Variants in BCL9 observed in about 807,000 individuals in gnomAD.
The protein encoded by BCL9 is B-cell CLL/lymphoma 9 protein.
Under a neutral mutation model 88.5 loss-of-function variants are expected in BCL9, and 25 were observed. The ratio of observed to expected loss-of-function variants is 0.28; its 90% CI spans 0.21 to 0.39. The LOEUF is 0.39. Among genes scored for constraint, BCL9 ranks in the 10% least tolerant of loss-of-function variants. The pLI is 1.00. For synonymous variants in BCL9, 711 were observed against 673.3 expected, an observed-to-expected ratio of 1.06 and a Z score of -0.87; for missense variants, 1,817 against 1,877.8, an observed-to-expected ratio of 0.97 and a Z score of 0.60.
chr1:147,560,626 G>T (rs1655333415), intron 1 of BCL9, among the ~76,000 whole-genome samples: 1 of 151,346 alleles, frequency 6.6e-6, no homozygotes, highest in Non-Finnish European at 1.5e-5. Context: ...AAAGAATAAG[G>T]CCAGGAGCAG....
chr1:147,609,141 A>G (rs587606058), intron 3 of BCL9, among the ~76,000 whole-genome samples: 1 of 152,310 alleles, frequency 6.6e-6, no homozygotes, highest in Admixed American at 6.5e-5. Context: ...AGATGTAGTT[A>G]TGTTGGGGGA....
chr1:147,562,037 A>G (rs1042651721), intron 1 of BCL9, among the ~76,000 whole-genome samples: 7 of 152,190 alleles, frequency 4.6e-5, no homozygotes, highest in Non-Finnish European at 1.0e-4. Context: ...AGTTCAAGAT[A>G]CCTGGTAGAG....
At chr1:147,595,230 G>T (rs1357674276) in intron 1 of BCL9, among the ~76,000 whole-genome samples, 2 of 152,322 alleles carry the variant, frequency 1.3e-5, no homozygotes, top group East Asian at 3.9e-4. Flanking sequence ...TGGAAACAAG[G>T]AAGTGAAGGT....
In BCL9 at chr1:147,614,560, T is replaced by TG; in HGVS notation, c.505dup (p.Ala169GlyfsTer15). The TG allele has an allele frequency of 6.2e-7, 1 of 1,613,926 alleles. No homozygotes were observed. The highest frequency in any genetic ancestry group is 8.5e-7 in the Non-Finnish European group (1 of 1,179,944). The stretch of plus-strand genomic sequence containing the variant: ...AAACTACTGCCACAGAGCCCACACC[T>TG]GCTCAGAAGACTCCAGCCAAAGTGG... On this transcript the variant is annotated frameshift_variant, in exon 6 of 10. Transcript: ENST00000234739. LOFTEE classifies it high-confidence loss of function.
chr1:147,570,589 C>CT (rs1368713487), intron 1 of BCL9, among the ~76,000 whole-genome samples: 42 of 152,068 alleles, frequency 2.8e-4, no homozygotes, highest in African/African-American at 9.9e-4. Context: ...CCTTTGCCCC[C>CT]CATTCCCACT....
At chr1:147,568,295 A>G (rs2132440) in intron 1 of BCL9, among the ~76,000 whole-genome samples, 4 of 151,934 alleles carry the variant, frequency 2.6e-5, no homozygotes, top group Non-Finnish European at 5.9e-5. Context: ...TAACAGCAAA[A>G]TCTTCCTAAT....
intron 3 of BCL9, among the ~76,000 whole-genome samples, chr1:147,608,301 A>G (rs1412358571): frequency 1.3e-5 from 2 of 150,614 alleles, no homozygotes; most frequent in Non-Finnish European, 2.9e-5. Context: ...CTAAGGGGTA[A>G]TAGAATGCTA....
In BCL9 at chr1:147,619,956, G is replaced by C. The variant is rs782029640; in HGVS notation, c.1801G>C (p.Asp601His). 1 of 1,614,208 alleles carries C rather than the reference G, an allele frequency of 6.2e-7. No individual in the cohort carries two copies. The highest frequency in any genetic ancestry group is 2.2e-5 in the East Asian group (1 of 44,866). ...SWPDDVPKIP[D>H]GRNFPPGQGI... ...GCCAGATGATGTGCCAAAAATCCCA[G>C]ATGGTCGAAATTTTCCTCCTGGCCA... Residue 601 changes from aspartate to histidine, a missense_variant, in exon 8 of 10, where the codon GAT becomes CAT. By Grantham distance (81) the Asp-to-His change is moderately conservative. Coordinates refer to ENST00000234739, the MANE Select transcript of BCL9 (RefSeq NM_004326.4). This position sits in a 1 kb window ranked among gnomAD's most constrained non-coding sequence, Gnocchi z 4.1.
At position 147,620,117 on chromosome 1, in the gene BCL9, C is replaced by T. The variant is rs782518812; in HGVS notation, c.1962C>T (p.Pro654=). ...PPGMAMEGIR[P]SMEMNRMIPG... is the part of the protein sequence containing the mutation. Reference sequence around the variant, plus strand: ...GGATGGCCATGGAAGGCATCAGGCCCAGCATGGAGATGAACAGGATGATTC... The same window carrying T: ...GGATGGCCATGGAAGGCATCAGGCCTAGCATGGAGATGAACAGGATGATTC... The change falls in exon 8 of 10, where the codon CCC becomes CCT. Residue 654 remains proline, a synonymous_variant. Coordinates refer to ENST00000234739, the MANE Select transcript of BCL9 (RefSeq NM_004326.4). 1.2e-6 allele frequency: 2 copies of T among 1,614,162 alleles called. No homozygotes were observed. The highest frequency in any genetic ancestry group is 1.7e-6 in the Non-Finnish European group (2 of 1,180,044).
intron 1 of BCL9, among the ~76,000 whole-genome samples, chr1:147,568,341 C>T (rs1468014279): frequency 1.3e-5 from 2 of 152,104 alleles, no homozygotes; most frequent in Admixed American, 1.3e-4. Flanking sequence ...TAGAATGCTC[C>T]ACTTCATTAT....
chr1:147,587,659 G>GT (rs1656675048), intron 1 of BCL9, among the ~76,000 whole-genome samples: 1 of 152,112 alleles, frequency 6.6e-6, no homozygotes, highest in South Asian at 2.1e-4. Flanking sequence ...ACTCAGAGAA[G>GT]TTCTTCTCCT....
At chr1:147,548,629 T>A (rs587642875) in intron 1 of BCL9, among the ~76,000 whole-genome samples, 72 of 152,236 alleles carry the variant, frequency 4.7e-4, no homozygotes, top group South Asian at 1.0e-3. Context: ...GTACCCCTAA[T>A]CCTTAGCATA....
intron 1 of BCL9, among the ~76,000 whole-genome samples, chr1:147,546,391 T>C (rs986044636): frequency 2.0e-5 from 3 of 152,098 alleles, no homozygotes; most frequent in East Asian, 3.9e-4. Flanking sequence ...CCCCCCTTTT[T>C]TTAAAACACT....
intron 1 of BCL9, among the ~76,000 whole-genome samples, chr1:147,581,675 C>T (rs1296830156): frequency 1.3e-5 from 2 of 152,188 alleles, no homozygotes; most frequent in East Asian, 3.8e-4. Flanking sequence ...TTTCTGGATA[C>T]ATTCAGTGTA....
At chr1:147,600,811 A>G (rs1485675494) in intron 1 of BCL9, among the ~76,000 whole-genome samples, 1 of 151,728 alleles carries the variant, frequency 6.6e-6, no homozygotes, top group African/African-American at 2.4e-5. Flanking sequence ...GGAAGCTAGG[A>G]AGAATGTGTG....
intron 1 of BCL9, among the ~76,000 whole-genome samples, chr1:147,561,499 T>C (rs1407620800): frequency 2.0e-5 from 3 of 152,230 alleles, no homozygotes; most frequent in African/African-American, 7.2e-5. Flanking sequence ...TCATTCCCTC[T>C]TATGATTATT....
In BCL9 at chr1:147,614,546, A is replaced by C. The variant is rs782304461; in HGVS notation, c.490A>C (p.Thr164Pro). The change falls in exon 6 of 10, where the codon ACA becomes CCA. Residue 164 changes from threonine to proline, a missense_variant. Coordinates refer to ENST00000234739, the MANE Select transcript of BCL9 (RefSeq NM_004326.4). Reference protein sequence around the residue: ...STPSHGQTTATEPTPAQKTPA... With the variant: ...STPSHGQTTAPEPTPAQKTPA... ...CCCCTCCCATGGCCAAACTACTGCC[A>C]CAGAGCCCACACCTGCTCAGAAGAC... The C allele has an allele frequency of 8.1e-6, 13 of 1,614,008 alleles. No homozygotes were observed. In the East Asian group the frequency reaches 2.9e-4, roughly 36 times the overall value.
At chr1:147,594,473 G>A (rs1249950412) in intron 1 of BCL9, among the ~76,000 whole-genome samples, 5 of 152,218 alleles carry the variant, frequency 3.3e-5, no homozygotes, top group East Asian at 1.9e-4. Context: ...AGATGAGCAA[G>A]CTGAGTAGAT....
chr1:147,614,687 G>C (rs1297960839), intron 6 of BCL9, 71 bp downstream of exon 6: 1 of 1,426,116 alleles, frequency 7.0e-7, no homozygotes, highest in Non-Finnish European at 9.5e-7. Context: ...TCCCATTGCA[G>C]ATTGATCTTT....
Sources: allele counts gnomAD v4.1 joint callset (sites outside exome capture counted in the v4.1 genomes callset), GRCh38; gene constraint gnomAD v4.1.1; non-coding constraint Gnocchi (gnomAD v3.1); transcripts MANE v1.5; gene names NCBI Gene and HGNC (gene_info 2026-07-23, HGNC 2026-07-21).